Variants in GPR179 observed in about 807,000 individuals in gnomAD.
The protein encoded by GPR179 is G protein-coupled receptor 179.
A neutral mutation model predicts 70.8 loss-of-function variants in GPR179; 52 were observed. That is an observed-to-expected ratio of 0.73 (90% CI 0.59 to 0.93). The LOEUF is 0.93. Among genes scored for constraint, GPR179 ranks in the 40% least tolerant of loss-of-function variants. The pLI is 0.00. For missense variants in GPR179, 2,734 were observed against 2,966.8 expected, an observed-to-expected ratio of 0.92 and a Z score of 1.82; for synonymous variants, 1,123 against 1,169.0, an observed-to-expected ratio of 0.96 and a Z score of 0.80.
In GPR179 at chr17:38,343,180, T is replaced by A; in HGVS notation, c.610A>T (p.Asn204Tyr). Residue 204 changes from asparagine to tyrosine, a missense_variant, in exon 1 of 11, where the codon AAT becomes TAT. Physicochemically the swap from Asn to Tyr is moderately radical, Grantham distance 143. Transcript: ENST00000616987. The surrounding 1 kb of genome is among the most constrained non-coding windows in gnomAD (Gnocchi z 4.2). ...GGGCTGCCGAGGCTCCCTAGGTCAT[T>A]GGTCAACACTCGCTTCTTCAGGGCA... ...TPALKKRVLT[N>Y]DLGSLGSPKW... 2.5e-6 allele frequency: 4 copies of A among 1,614,074 alleles called. No individual in the cohort carries two copies. The South Asian group carries it at 4.4e-5, about 18-fold the overall frequency.
Position 38,325,737 on chromosome 17 carries a change from TTCTC to T in GPR179, c.*724_*727del, listed in dbSNP as rs988532706. 2.4e-4 allele frequency: 36 copies of T among 152,570 alleles called. No individual in the cohort carries two copies. The highest frequency in any genetic ancestry group is 7.2e-4 in the African/African-American group (30 of 41,548). 9.5% of individuals were successfully genotyped at this position (152,570 alleles called of 1,614,324 possible). A position where few individuals can be genotyped will look rare whatever the true frequency, so the allele number is the denominator to read the frequency against. The stretch of plus-strand genomic sequence containing the variant: ...CTGGGGCAATTGCTTTTCTTCTGTG[TTCTC>T]TCTCTCTGATGTTGCTTTGGATGCC... On this transcript the variant is annotated 3_prime_UTR_variant, in exon 11 of 11. Coordinates refer to ENST00000616987, the MANE Select transcript of GPR179 (RefSeq NM_001004334.4).
In GPR179 at chr17:38,325,646, TAA is replaced by T. The variant is rs1158700249; in HGVS notation, c.*817_*818del. ...AGGGCAGGAAGAGGGGGAGACCCCC[TAA>T]AAAACTAGCAAGAGGCACACAAGGA... On this transcript the variant is annotated 3_prime_UTR_variant, in exon 11 of 11. Transcript: ENST00000616987. 6.6e-6 allele frequency: 1 copy of T among 152,240 alleles called. No homozygotes were observed. The highest frequency in any genetic ancestry group is 1.5e-5 in the Non-Finnish European group (1 of 68,068). 9.4% of individuals were successfully genotyped at this position (152,240 alleles called of 1,614,324 possible).
In GPR179 at chr17:38,330,084, CTGG is replaced by C. The variant is rs2037337639; in HGVS notation, c.3482_3484del (p.Thr1161del). On this transcript the variant is annotated inframe_deletion, in exon 11 of 11. Coordinates refer to ENST00000616987, the MANE Select transcript of GPR179 (RefSeq NM_001004334.4). ...CCGTTGACAGACTTGGAGCATCCTG[CTGG>C]TGTGAGCGTTCTGTTGGTTCTGGAG... The C allele has an allele frequency of 1.2e-6, 2 of 1,613,758 alleles. No homozygotes were observed. Among genetic ancestry groups the C allele is most frequent in the South Asian group, 2.2e-5 (2 of 91,050 alleles).
chr17:38,339,512 T>C lies in GPR179; in HGVS notation c.808A>G (p.Met270Val). The part of the protein sequence containing the change: ...LSPEVRGQVQ[M>V]DVDLQSVDIN... ...TCCACACTCTGGAGATCTACGTCCA[T>C]CTGCACCTGCCCCCTACGGCAGTGA... is the stretch of plus-strand genomic sequence containing the variant. Residue 270 changes from methionine (M) to valine (V), a missense_variant, in exon 2 of 11, where the codon ATG (methionine) becomes GTG (valine). Physicochemically the swap from Met to Val is conservative, Grantham distance 21 (BLOSUM62 1). Coordinates refer to ENST00000616987, the MANE Select transcript of GPR179 (RefSeq NM_001004334.4). 1.2e-6 allele frequency: 2 copies of C among 1,613,718 alleles called. No individual in the cohort carries two copies. The highest frequency in any genetic ancestry group is 1.7e-6 in the Non-Finnish European group (2 of 1,179,638).
Position 38,326,604 on chromosome 17 carries a change from G to T in GPR179, c.6965C>A (p.Thr2322Asn). Residue 2322 changes from threonine to asparagine, a missense_variant, in exon 11 of 11, where the codon ACC becomes AAC. Coordinates refer to ENST00000616987, the MANE Select transcript of GPR179 (RefSeq NM_001004334.4). Reference protein sequence around the residue: ...LQGPSGLEPRTSLAPEPSLQE... With the variant: ...LQGPSGLEPRNSLAPEPSLQE... ...GAGACTTGGCTCTGGGGCTAAGCTG[G>T]TCCTTGGCTCAAGCCCTGAAGGTCC... 6.2e-7 allele frequency: 1 copy of T among 1,614,220 alleles called. No individual in the cohort carries two copies. The highest frequency in any genetic ancestry group is 1.7e-5 in the Admixed American group (1 of 60,016).
intron 10 of GPR179, among the ~76,000 whole-genome samples, 173 bp from the exon 11 acceptor site, chr17:38,331,704 C>G (rs1426821042): frequency 6.6e-6 from 1 of 152,178 alleles, no homozygotes; most frequent in Non-Finnish European, 1.5e-5. Flanking sequence ...TCCTGTGAGA[C>G]CAGTTGCCAA....
Position 38,327,377 on chromosome 17 carries a change from C to A in GPR179, c.6192G>T (p.Glu2064Asp). 1 of 1,614,244 alleles carries A rather than the reference C, an allele frequency of 6.2e-7. No individual in the cohort carries two copies. Among genetic ancestry groups the A allele is most frequent in the Non-Finnish European group, 8.5e-7 (1 of 1,180,052 alleles). Residue 2064 changes from glutamate (E) to aspartate (D), a missense_variant, in exon 11 of 11, where the codon GAG (glutamate) becomes GAT (aspartate). Transcript: ENST00000616987. Reference protein sequence around the residue: ...PKGVPVQKKPEMADFRQQEAV... With the variant: ...PKGVPVQKKPDMADFRQQEAV... Reference sequence around the variant, plus strand: ...CCTCCTGCTGCCTGAAGTCTGCCATCTCTGGCTTTTTCTGAACTGGCACAC... The same window carrying A: ...CCTCCTGCTGCCTGAAGTCTGCCATATCTGGCTTTTTCTGAACTGGCACAC...
At position 38,334,696 on chromosome 17, in the gene GPR179, G is replaced by A. The variant is rs137860025; in HGVS notation, c.1784+8C>T. 137 of 1,613,328 alleles carry A rather than the reference G, an allele frequency of 8.5e-5. No individual in the cohort carries two copies. The Middle Eastern group carries it at 1.2e-3, about 14-fold the overall frequency. The stretch of plus-strand genomic sequence containing the variant: ...GAAGGGGGTGTGGGGAGGTGAGTCC[G>A]TCCTCACCTGGCTGTGTGGAAGGCA... On this transcript the variant is annotated splice_region_variant and intron_variant, in intron 8 of 10. Transcript: ENST00000616987. This position sits in a 1 kb window ranked among gnomAD's most constrained non-coding sequence, Gnocchi z 4.7.
rs1567722002 is a variant in GPR179 at position 38,327,524 on chromosome 17, C to T, written c.6045G>A (p.Lys2015=). 1.2e-6 allele frequency: 2 copies of T among 1,614,008 alleles called. No homozygotes were observed. Among genetic ancestry groups the T allele is most frequent in the East Asian group, 2.2e-5 (1 of 44,844 alleles). Residue 2015 remains lysine (K), a synonymous_variant, in exon 11 of 11, where the codon AAG becomes AAA. Coordinates refer to ENST00000616987, the MANE Select transcript of GPR179 (RefSeq NM_001004334.4). ...AGVYKSDSSA[K]AETCPWEVTE... ...TCACTTCCCAGGGACAGGTCTCAGC[C>T]TTGGCACTGCTGTCAGATTTATACA... is the stretch of plus-strand genomic sequence containing the variant.
At chr17:38,341,449 T>C (rs2144279306) in intron 1 of GPR179, among the ~76,000 whole-genome samples, 1 of 152,300 alleles carries the variant, frequency 6.6e-6, no homozygotes, top group Admixed American at 6.5e-5. Context: ...AGATATGAAA[T>C]AGAGGAGCCC....
Position 38,326,439 on chromosome 17 carries a change from G to A in GPR179, c.*26C>T. On this transcript the variant is annotated 3_prime_UTR_variant, in exon 11 of 11. Coordinates refer to ENST00000616987, the MANE Select transcript of GPR179 (RefSeq NM_001004334.4). The stretch of plus-strand genomic sequence containing the variant: ...GCCTTGGCTCCTGAAAGCTAGCTCT[G>A]TGTTTGACCTCACCTAATAAGGCTG... 6.5e-7 allele frequency: 1 copy of A among 1,538,182 alleles called. No individual in the cohort carries two copies. Among genetic ancestry groups the A allele is most frequent in the Non-Finnish European group, 8.9e-7 (1 of 1,127,640 alleles).
rs116726110 is a variant in GPR179 at position 38,324,608 on chromosome 17, C to G, written c.*1857G>C. On this transcript the variant is annotated 3_prime_UTR_variant, in exon 11 of 11. Coordinates refer to ENST00000616987, the MANE Select transcript of GPR179 (RefSeq NM_001004334.4). Reference sequence around the variant, plus strand: ...ATTCTTTATTTCCGCCCCGCCCCCCCCACCCCATGGTTTATTTCACAAGAG... The same window carrying G: ...ATTCTTTATTTCCGCCCCGCCCCCCGCACCCCATGGTTTATTTCACAAGAG... 1.2e-4 allele frequency among the ~76,000 whole-genome samples: 18 copies of G among 150,300 alleles called. No homozygotes were observed. Among genetic ancestry groups the G allele is most frequent in the Non-Finnish European group, 2.1e-4 (14 of 67,714 alleles).
At chr17:38,336,269 C>G in intron 4 of GPR179, 125 bp from the exon 5 acceptor site, 1 of 721,020 alleles carries the variant, frequency 1.4e-6, no homozygotes, top group South Asian at 1.5e-5. Flanking sequence ...CTGGCTCTGC[C>G]CTCTCTGCCC....
Position 38,327,823 on chromosome 17 carries a change from G to GGTCC in GPR179, c.5742_5745dup (p.Leu1916GlyfsTer31), listed in dbSNP as rs2037304370. 6.2e-7 allele frequency: 1 copy of GGTCC among 1,614,036 alleles called. No individual in the cohort carries two copies. The highest frequency in any genetic ancestry group is 1.7e-5 in the Admixed American group (1 of 59,996). ...GAACCTGTCTTTGGGTCTTGTCTCA[G>GGTCC]GTCCCCCTTCTCTGTTGCTTCCAAG... On this transcript the variant is annotated frameshift_variant, in exon 11 of 11. Transcript: ENST00000616987. LOFTEE classifies it low-confidence loss of function (END_TRUNC).
At chr17:38,331,660 CT>C in intron 10 of GPR179, 129 bp from the exon 11 acceptor site, 1 of 1,447,548 alleles carries the variant, frequency 6.9e-7, no homozygotes, top group Non-Finnish European at 9.1e-7. Flanking sequence ...TATCTCTTCC[CT>C]GCTTCTAAAA....
At chr17:38,341,185 AC>A (rs1373327449) in intron 1 of GPR179, among the ~76,000 whole-genome samples, 1 of 152,138 alleles carries the variant, frequency 6.6e-6, no homozygotes, top group African/African-American at 2.4e-5. Flanking sequence ...GTCTCTGTGG[AC>A]AACAGTCTTC....
chr17:38,327,620 G>T lies in GPR179; in HGVS notation c.5949C>A (p.Ser1983Arg). The T allele has an allele frequency of 6.2e-7, 1 of 1,614,246 alleles. No individual in the cohort carries two copies. Residue 1983 changes from serine (S) to arginine (R), a missense_variant, in exon 11 of 11, where the codon AGC becomes AGA. Physicochemically the swap from Ser to Arg is moderately radical, Grantham distance 110 (BLOSUM62 -1). Coordinates refer to ENST00000616987, the MANE Select transcript of GPR179 (RefSeq NM_001004334.4). ...CCCCAGTGCTGACCAGTCTCTGGGA[G>T]CTAGCTTTAGGTTGGTCAGGGCGCT... Reference protein sequence around the residue: ...DRQRPDQPKASSQRLVSTGGR... With the variant: ...DRQRPDQPKARSQRLVSTGGR...
chr17:38,335,990 G>A (rs993552379), intron 5 of GPR179, 86 bp downstream of exon 5: 2 of 953,928 alleles, frequency 2.1e-6, no homozygotes, highest in African/African-American at 1.6e-5. Flanking sequence ...CCAGAGGGCA[G>A]AGAAGGGTTC....
chr17:38,337,009 A>C lies in GPR179; in HGVS notation c.1196T>G (p.Met399Arg). 1 of 1,606,430 alleles carries C rather than the reference A, an allele frequency of 6.2e-7. No individual in the cohort carries two copies. Among genetic ancestry groups the C allele is most frequent in the Non-Finnish European group, 8.5e-7 (1 of 1,177,516 alleles). ...ACCMLAIFLS[M>R]LVSYRCRRNK... ...CCGGCGGCAGCGGTAGGAGACCAGC[A>C]TGCTCAGGAAGATGGCCAGCATGCA... is the stretch of plus-strand genomic sequence containing the variant. Residue 399 changes from methionine (M) to arginine (R), a missense_variant, in exon 4 of 11, where the codon ATG (methionine) becomes AGG (arginine). Transcript: ENST00000616987.
Sources: allele counts gnomAD v4.1 joint callset (sites outside exome capture counted in the v4.1 genomes callset), GRCh38; gene constraint gnomAD v4.1.1; non-coding constraint Gnocchi (gnomAD v3.1); transcripts MANE v1.5; gene names NCBI Gene and HGNC (gene_info 2026-07-23, HGNC 2026-07-21).